Variants in HECW1 observed in about 807,000 individuals in gnomAD.
The protein encoded by HECW1 is E3 ubiquitin-protein ligase HECW1.
Under a neutral mutation model 182.3 loss-of-function variants are expected in HECW1, and 61 were observed. The observed-to-expected ratio is 0.33, with a 90% CI of 0.27 to 0.41. The LOEUF is 0.41. Among genes scored for constraint, HECW1 ranks in the 10% least tolerant of loss-of-function variants. HECW1 has a pLI of 1.00. For synonymous variants in HECW1, 859 were observed against 832.6 expected (o/e 1.03, Z -0.55); for missense variants, 1,739 against 2,108.9 (o/e 0.82, Z 3.44).
rs1029495830 is a variant in HECW1 at position 43,243,360 on chromosome 7, G to A, written c.-31-515G>A. Among the ~76,000 whole-genome samples, 3 of 152,212 alleles carry A rather than the reference G, an allele frequency of 2.0e-5. No homozygotes were observed. Among genetic ancestry groups the A allele is most frequent in the Admixed American group, 1.3e-4 (2 of 15,292 alleles). On this transcript the variant is annotated intron_variant, in intron 2 of 29. Transcript: ENST00000395891. This position sits in a 1 kb window ranked among gnomAD's most constrained non-coding sequence, Gnocchi z 4.0. ...TCACTCCGCAGGACAACAAGTGGAA[G>A]GGGATGGCACTTCTTGAGTCTTTCC...
chr7:43,282,952 T>A (rs1804109761), intron 3 of HECW1, among the ~76,000 whole-genome samples: 1 of 152,000 alleles, frequency 6.6e-6, no homozygotes, highest in Non-Finnish European at 1.5e-5. Context: ...ACCCCATCCC[T>A]ACTAAAAATA....
chr7:43,149,953 T>G (rs1789121562), intron 2 of HECW1, among the ~76,000 whole-genome samples: 1 of 152,248 alleles, frequency 6.6e-6, no homozygotes, highest in Non-Finnish European at 1.5e-5. Context: ...CTTTTGGCAT[T>G]GCTGAATGCA....
intron 8 of HECW1, among the ~76,000 whole-genome samples, chr7:43,423,728 AC>A (rs1199706299): frequency 2.6e-5 from 4 of 152,118 alleles, no homozygotes; most frequent in Non-Finnish European, 4.4e-5. Context: ...ACTCTTCCCA[AC>A]TCCACATTTA....
At chr7:43,151,617 C>T (rs945131248) in intron 2 of HECW1, among the ~76,000 whole-genome samples, 12 of 152,248 alleles carry the variant, frequency 7.9e-5, no homozygotes, top group African/African-American at 1.9e-4. Flanking sequence ...GAAGGAGCCC[C>T]ACTGATATTG....
chr7:43,294,841 A>G (rs1162877503), intron 3 of HECW1, among the ~76,000 whole-genome samples: 1 of 152,214 alleles, frequency 6.6e-6, no homozygotes, highest in African/African-American at 2.4e-5. Context: ...ACGCAGCCTC[A>G]GGAGGTCCTC....
In HECW1 at chr7:43,507,406, G is replaced by C. The variant is rs796661133; in HGVS notation, c.3752+149G>C. 33 of 704,242 alleles carry C rather than the reference G, an allele frequency of 4.7e-5. No individual in the cohort carries two copies. In the African/African-American group the frequency reaches 5.7e-4, roughly 12 times the overall value. 43.6% of individuals were successfully genotyped at this position (704,242 alleles called of 1,614,324 possible). A position where few individuals can be genotyped will look rare whatever the true frequency, so the allele number is the denominator to read the frequency against. On this transcript the variant is annotated intron_variant, in intron 22 of 29. Coordinates refer to ENST00000395891, the MANE Select transcript of HECW1 (RefSeq NM_015052.5). ...AGCGGGGGAAGAAGGAAGTTGGGAAGCTGGAAGGAAAGAGGAAAGGACATT... is the reference window on the plus strand; with the variant it reads ...AGCGGGGGAAGAAGGAAGTTGGGAACCTGGAAGGAAAGAGGAAAGGACATT...
At chr7:43,265,688 C>T (rs1801702545) in intron 3 of HECW1, among the ~76,000 whole-genome samples, 2 of 152,188 alleles carry the variant, frequency 1.3e-5, no homozygotes. Flanking sequence ...TTCTGGCACT[C>T]ACTCCTGGAG....
At chr7:43,122,201 C>A (rs1011858912) in intron 2 of HECW1, among the ~76,000 whole-genome samples, 3 of 152,198 alleles carry the variant, frequency 2.0e-5, no homozygotes, top group Non-Finnish European at 4.4e-5. Flanking sequence ...CCGAGGACTG[C>A]AGAGCTTTCC....
chr7:43,561,945 G>T lies in HECW1; in HGVS notation c.*19G>T. On this transcript the variant is annotated 3_prime_UTR_variant, in exon 30 of 30. Coordinates refer to ENST00000395891, the MANE Select transcript of HECW1 (RefSeq NM_015052.5). ...TGAGTGAGGACATGGAACCTCGCCT[G>T]ACATTTTCCTGGCCAGTGACATCAC... is the stretch of plus-strand genomic sequence containing the variant. 1 of 1,447,932 alleles carries T rather than the reference G, an allele frequency of 6.9e-7. No individual in the cohort carries two copies. Among genetic ancestry groups the T allele is most frequent in the South Asian group, 1.1e-5 (1 of 87,570 alleles). The allele number at this position is 1,447,932 out of a possible 1,614,324, so 89.7% of individuals were successfully genotyped here.
At position 43,444,243 on chromosome 7, in the gene HECW1, C is replaced by T. The variant is rs776708224; in HGVS notation, c.1071C>T (p.Thr357=). The T allele has an allele frequency of 8.1e-6, 13 of 1,608,800 alleles. No homozygotes were observed. Among genetic ancestry groups the T allele is most frequent in the Middle Eastern group, 3.3e-4 (2 of 6,070 alleles). ...HPDDEEISLS[T]EPESAQIQDS... is the part of the protein sequence containing the mutation. The stretch of plus-strand genomic sequence containing the variant: ...ATGATGAGGAGATTTCCCTGAGTAC[C>T]GAGCCTGAGTCAGCCCAAATTCAGG... Residue 357 remains threonine, a synonymous_variant, in exon 11 of 30, where the codon ACC becomes ACT. Coordinates refer to ENST00000395891, the MANE Select transcript of HECW1 (RefSeq NM_015052.5). The surrounding 1 kb of genome is among the most constrained non-coding windows in gnomAD (Gnocchi z 4.3).
chr7:43,408,558 T>C (rs1398546596), intron 8 of HECW1, among the ~76,000 whole-genome samples: 1 of 149,638 alleles, frequency 6.7e-6, no homozygotes, highest in Non-Finnish European at 1.5e-5. Flanking sequence ...TGGCGGTGTG[T>C]GCCTGTGGTC....
chr7:43,145,721 G>A (rs886217960), intron 2 of HECW1, among the ~76,000 whole-genome samples: 7 of 152,158 alleles, frequency 4.6e-5, no homozygotes, highest in African/African-American at 1.7e-4. Context: ...CAAACTCTCT[G>A]TTGCCCAAGT....
At chr7:43,181,643 G>C (rs911086566) in intron 2 of HECW1, among the ~76,000 whole-genome samples, 4 of 150,794 alleles carry the variant, frequency 2.7e-5, no homozygotes, top group Admixed American at 2.6e-4. Flanking sequence ...TTTGAGAAAT[G>C]TCTATTCAGA....
chr7:43,238,315 C>T (rs1266174028), intron 2 of HECW1, among the ~76,000 whole-genome samples: 2 of 152,176 alleles, frequency 1.3e-5, no homozygotes, highest in East Asian at 3.9e-4. Context: ...AGAAGCTGTC[C>T]CCATCCCTGT....
intron 3 of HECW1, among the ~76,000 whole-genome samples, chr7:43,256,479 G>T (rs1800584507): frequency 6.6e-6 from 1 of 151,864 alleles, no homozygotes; most frequent in Admixed American, 6.6e-5. Flanking sequence ...CGTGGTGGCA[G>T]GCGCCTGTAA....
At chr7:43,156,533 T>C (rs1463744852) in intron 2 of HECW1, among the ~76,000 whole-genome samples, 1 of 152,228 alleles carries the variant, frequency 6.6e-6, no homozygotes, top group African/African-American at 2.4e-5. Flanking sequence ...AAATGATGTG[T>C]ATCTATTTCT....
chr7:43,425,304 TGATAGATAGATAGATA>T (rs60651990), intron 8 of HECW1, among the ~76,000 whole-genome samples: 1 of 148,246 alleles, frequency 6.7e-6, no homozygotes, highest in Non-Finnish European at 1.5e-5. Context: ...GATAGATAGA[TGATAGATAGATAGATA>T]GATAGATAGA....
At chr7:43,556,609 G>A (rs924004678) in intron 29 of HECW1, among the ~76,000 whole-genome samples, 12 of 151,844 alleles carry the variant, frequency 7.9e-5, no homozygotes, top group Non-Finnish European at 1.5e-4. Flanking sequence ...GATGACTTGA[G>A]CCCAGGAGGC....
chr7:43,548,819 C>A (rs1248672752), intron 26 of HECW1, among the ~76,000 whole-genome samples: 1 of 152,126 alleles, frequency 6.6e-6, no homozygotes, highest in Non-Finnish European at 1.5e-5. Flanking sequence ...TGGCATGCAC[C>A]TATAGTCCCA....
Sources: gnomAD v4.1 joint callset for allele counts (sites outside exome capture counted in the v4.1 genomes callset) on GRCh38, gnomAD v4.1.1 for gene constraint, Gnocchi (gnomAD v3.1) non-coding constraint, MANE v1.5 for transcripts, NCBI Gene and HGNC (gene_info 2026-07-23, HGNC 2026-07-21) for gene names.